C1orf159: variants seen among roughly 807,000 people sequenced by gnomAD.
C1orf159 encodes the protein chromosome 1 open reading frame 159, also known as uncharacterized protein C1orf159.
A neutral mutation model predicts 25.6 loss-of-function variants in C1orf159; 19 were observed. The observed-to-expected ratio is 0.74, with a 90% CI of 0.52 to 1.09. The LOEUF is 1.09. C1orf159 is among the 50% of genes least tolerant of loss of function. The pLI, the probability that C1orf159 is intolerant of heterozygous loss-of-function variation, is 0.00. For synonymous variants in C1orf159, 139 were observed against 124.7 expected (o/e 1.12, Z -0.77); for missense variants, 274 against 290.6 (o/e 0.94, Z 0.42).
intron 1 of C1orf159, among the ~76,000 whole-genome samples, chr1:1,101,752 G>T (rs1646103321): frequency 6.6e-6 from 1 of 152,066 alleles, no homozygotes; most frequent in Non-Finnish European, 1.5e-5. Flanking sequence ...CTGCTTTCAA[G>T]ATTTTTAAAG....
intron 1 of C1orf159, chr1:1,105,819 G>C (rs1646163105): frequency 6.6e-6 from 1 of 152,144 alleles, no homozygotes; most frequent in South Asian, 2.1e-4. Context: ...AGCTTGCGGT[G>C]AGCCGAGATA....
At chr1:1,085,373 C>A in intron 7 of C1orf159, 1 of 339,508 alleles carries the variant, frequency 2.9e-6, no homozygotes, top group Non-Finnish European at 6.0e-6. Flanking sequence ...GAAGGCACCA[C>A]AGTCACAAGG....
At chr1:1,084,954 G>T (rs535655979) in intron 7 of C1orf159, among the ~76,000 whole-genome samples, 1 of 152,152 alleles carries the variant, frequency 6.6e-6, no homozygotes, top group East Asian at 1.9e-4. Context: ...CGCGATGGGG[G>T]TGCCGTGGCA....
At chr1:1,113,711 G>C (rs1646294007) in intron 1 of C1orf159, among the ~76,000 whole-genome samples, 2 of 152,170 alleles carry the variant, frequency 1.3e-5, no homozygotes, top group African/African-American at 4.8e-5. Context: ...AGCGCCCTTG[G>C]AAGAAGGCCA....
chr1:1,111,201 A>G (rs1400710130), intron 1 of C1orf159, among the ~76,000 whole-genome samples: 2 of 152,192 alleles, frequency 1.3e-5, no homozygotes, highest in Non-Finnish European at 1.5e-5. Context: ...ATTGTGCTAT[A>G]CACTCTTTGA....
intron 1 of C1orf159, among the ~76,000 whole-genome samples, chr1:1,115,575 C>T (rs868863125): frequency 1.9e-4 from 21 of 111,010 alleles, no homozygotes; most frequent in African/African-American, 6.8e-4. Flanking sequence ...CCCCAGGGAC[C>T]CCCTTCCCTG....
chr1:1,091,068 C>T (rs1343365021), intron 3 of C1orf159: 16 of 1,169,048 alleles, frequency 1.4e-5, no homozygotes, highest in East Asian at 7.7e-5. Context: ...GGCCCAGGTC[C>T]GGTCCCTCAA....
In C1orf159 at chr1:1,082,316, T is replaced by C. The variant is rs1316582656; in HGVS notation, c.*577A>G. On this transcript the variant is annotated 3_prime_UTR_variant, in exon 10 of 10. Transcript: ENST00000421241. ...GCAGCTCCGGAAATGGGTGGCTGCG[T>C]GCTTGGGGTCTCCGCCACGCGGGAG... The C allele has an allele frequency of 1.9e-5, 3 of 156,280 alleles. No individual in the cohort carries two copies. Among genetic ancestry groups the C allele is most frequent in the African/African-American group, 7.2e-5 (3 of 41,492 alleles). The allele number at this position is 156,280 out of a possible 1,614,324, so 9.7% of individuals were successfully genotyped here. A position where few individuals can be genotyped will look rare whatever the true frequency, so the allele number is the denominator to read the frequency against.
intron 1 of C1orf159, among the ~76,000 whole-genome samples, chr1:1,115,400 G>T (rs1236959206): frequency 6.6e-6 from 1 of 152,128 alleles, no homozygotes; most frequent in African/African-American, 2.4e-5. Context: ...GGACACCGGG[G>T]ACCGCGCCGG....
Position 1,091,119 on chromosome 1 carries a change from C to G in C1orf159, c.72+353G>C, listed in dbSNP as rs568656882. 49 of 697,134 alleles carry G rather than the reference C, an allele frequency of 7.0e-5. No individual in the cohort carries two copies. The African/African-American group carries it at 7.3e-4, about 10-fold the overall frequency. 43.2% of individuals were successfully genotyped at this position (697,134 alleles called of 1,614,324 possible). On this transcript the variant is annotated intron_variant, in intron 3 of 9. Transcript: ENST00000421241. The stretch of plus-strand genomic sequence containing the variant: ...CAGTGAGGGGTCCCCACCCTCCACC[C>G]GCTCCGCCTGGGAGTCTGGAGCCGC...
In C1orf159 at chr1:1,084,426, T is replaced by C. The variant is rs567990064; in HGVS notation, c.472-43A>G. ...GGCAGAGTGAGGACTCGGGATGGCC[T>C]GGCACAGGCACACGCGGCCAGGGAC... is the stretch of plus-strand genomic sequence containing the variant. On this transcript the variant is annotated intron_variant, in intron 8 of 9. Transcript: ENST00000421241. 2.2e-5 allele frequency: 35 copies of C among 1,583,304 alleles called. 1 individual carries two copies. The South Asian group carries it at 3.4e-4, about 15-fold the overall frequency.
intron 1 of C1orf159, among the ~76,000 whole-genome samples, 198 bp downstream of exon 1, chr1:1,115,862 G>C (rs1646332866): frequency 6.7e-6 from 1 of 148,888 alleles, no homozygotes; most frequent in Non-Finnish European, 1.5e-5. Flanking sequence ...GGGAGGCGGC[G>C]ACGAGGACGC....
chr1:1,088,071 G>C (rs992641867), intron 4 of C1orf159, among the ~76,000 whole-genome samples: 2 of 151,602 alleles, frequency 1.3e-5, no homozygotes, highest in Admixed American at 1.3e-4. Context: ...CTGCAGGCTG[G>C]GCCCGGCTTC....
At chr1:1,102,424 G>A (rs2100766015) in intron 1 of C1orf159, among the ~76,000 whole-genome samples, 1 of 148,754 alleles carries the variant, frequency 6.7e-6, no homozygotes, top group East Asian at 2.0e-4. Context: ...CTCTGTCTTT[G>A]AGGACTCTGC....
chr1:1,096,668 CA>C (rs1646013116), intron 1 of C1orf159, among the ~76,000 whole-genome samples: 1 of 152,144 alleles, frequency 6.6e-6, no homozygotes, highest in South Asian at 2.1e-4. Flanking sequence ...TATATTCTTC[CA>C]AGAGTTTATC....
chr1:1,112,734 G>C (rs553539169), intron 1 of C1orf159, among the ~76,000 whole-genome samples: 1 of 152,370 alleles, frequency 6.6e-6, no homozygotes, highest in South Asian at 2.1e-4. Flanking sequence ...AAGGATCAGG[G>C]GAGAAGGGGT....
At position 1,082,633 on chromosome 1, in the gene C1orf159, A is replaced by G. The variant is rs1284188555; in HGVS notation, c.*260T>C. The G allele has an allele frequency of 1.9e-6, 1 of 516,520 alleles. No homozygotes were observed. Among genetic ancestry groups the G allele is most frequent in the African/African-American group, 2.0e-5 (1 of 51,058 alleles). The allele number at this position is 516,520 out of a possible 1,614,324, so 32.0% of individuals were successfully genotyped here. A position where few individuals can be genotyped will look rare whatever the true frequency, so the allele number is the denominator to read the frequency against. On this transcript the variant is annotated 3_prime_UTR_variant, in exon 10 of 10. Transcript: ENST00000421241. Reference sequence around the variant, plus strand: ...TTTCCTGGGGGGGCCCGGACCCCCCAAGGCCTCGATCTGAAGCTCTGAGGT... The same window carrying G: ...TTTCCTGGGGGGGCCCGGACCCCCCGAGGCCTCGATCTGAAGCTCTGAGGT...
At position 1,090,416 on chromosome 1, in the gene C1orf159, C is replaced by T. The variant is rs145234046; in HGVS notation, c.85G>A (p.Glu29Lys). ...ACGCCCACCACATCCACACAGCACT[C>T]GGGCAGCTGGGCCTGGAGGGGACAC... is the stretch of plus-strand genomic sequence containing the variant. The part of the protein sequence containing the change: ...KSMENTAQLP[E>K]CCVDVVGVNA... Residue 29 changes from glutamate (E) to lysine (K), a missense_variant, in exon 4 of 10, where the codon GAG becomes AAG. Coordinates refer to ENST00000421241, the MANE Select transcript of C1orf159 (RefSeq NM_017891.5). The T allele has an allele frequency of 1.8e-4, 279 of 1,550,490 alleles. 1 individual carries two copies. Among genetic ancestry groups the T allele is most frequent in the South Asian group, 1.5e-3 (126 of 84,058 alleles).
intron 1 of C1orf159, among the ~76,000 whole-genome samples, chr1:1,111,085 A>G (rs2100778565): frequency 6.6e-6 from 1 of 152,380 alleles, no homozygotes; most frequent in South Asian, 2.1e-4. Context: ...ATGCCTTAGT[A>G]ACTAAACACA....
Sources: allele counts gnomAD v4.1 joint callset (sites outside exome capture counted in the v4.1 genomes callset), GRCh38; gene constraint gnomAD v4.1.1; transcripts MANE v1.5; gene names NCBI Gene and HGNC (gene_info 2026-07-23, HGNC 2026-07-21).